The following CCDC148 variants were observed in gnomAD, a reference collection of about 807,000 sequenced individuals.
CCDC148 encodes the protein coiled-coil domain containing 148.
A neutral mutation model predicts 85.7 loss-of-function variants in CCDC148; 89 were observed. That is an observed-to-expected ratio of 1.04 (90% CI 0.87 to 1.24). The LOEUF is 1.24. CCDC148 is among the 50% of genes most tolerant of loss of function. The pLI, the probability that CCDC148 is intolerant of heterozygous loss-of-function variation, is 0.00. For missense variants in CCDC148, 692 were observed against 671.7 expected, an observed-to-expected ratio of 1.03 and a Z score of -0.33; for synonymous variants, 230 against 213.9, an observed-to-expected ratio of 1.08 and a Z score of -0.66.
At chr2:158,303,156 A>G (rs1179612116) in intron 9 of CCDC148, among the ~76,000 whole-genome samples, 1 of 152,206 alleles carries the variant, frequency 6.6e-6, no homozygotes, top group East Asian at 1.9e-4. Context: ...TTTAAATTCC[A>G]AGGCTGAGAA....
At chr2:158,435,017 T>G (rs533863293) in intron 1 of CCDC148, among the ~76,000 whole-genome samples, 1 of 152,278 alleles carries the variant, frequency 6.6e-6, no homozygotes, top group South Asian at 2.1e-4. Context: ...TACCTGAAAG[T>G]GACGGGGAGA....
At chr2:158,431,629 C>A (rs531578223) in intron 1 of CCDC148, among the ~76,000 whole-genome samples, 1 of 151,962 alleles carries the variant, frequency 6.6e-6, no homozygotes, top group African/African-American at 2.4e-5. Context: ...TAAAGAAAGA[C>A]CTGCACCCTA....
chr2:158,218,521 A>G (rs568424796), intron 11 of CCDC148, among the ~76,000 whole-genome samples: 1 of 152,344 alleles, frequency 6.6e-6, no homozygotes, highest in South Asian at 2.1e-4. Flanking sequence ...GAAGCAAAAG[A>G]CTGAAATGAC....
intron 9 of CCDC148, among the ~76,000 whole-genome samples, chr2:158,278,397 C>T (rs1278089493): frequency 6.6e-6 from 1 of 152,142 alleles, no homozygotes; most frequent in Non-Finnish European, 1.5e-5. Context: ...ACAGACGGCA[C>T]CTGGAAAATC....
chr2:158,307,872 G>C (rs2105206797), intron 9 of CCDC148, among the ~76,000 whole-genome samples: 1 of 152,184 alleles, frequency 6.6e-6, no homozygotes, highest in Admixed American at 6.5e-5. Context: ...TCACAGGTGG[G>C]GATTGTATTT....
At chr2:158,440,308 A>T (rs1687876433) in intron 1 of CCDC148, among the ~76,000 whole-genome samples, 1 of 152,236 alleles carries the variant, frequency 6.6e-6, no homozygotes, top group Admixed American at 6.5e-5. Flanking sequence ...AAATAGTTAA[A>T]CATAAACTTA....
intron 9 of CCDC148, among the ~76,000 whole-genome samples, chr2:158,305,230 C>T (rs1691629901): frequency 6.6e-6 from 1 of 152,178 alleles, no homozygotes. Flanking sequence ...CCATCTTCTC[C>T]TGGGGACGGT....
At chr2:158,373,456 C>A (rs1684533109) in intron 1 of CCDC148, among the ~76,000 whole-genome samples, 3 of 152,026 alleles carry the variant, frequency 2.0e-5, no homozygotes, top group African/African-American at 7.2e-5. Context: ...AGTACACACA[C>A]TATTACCTAT....
chr2:158,406,615 T>TTGTTTTTCTGTTTTTTTTTTTTG (rs1686017015), intron 1 of CCDC148, among the ~76,000 whole-genome samples: 1 of 67,962 alleles, frequency 1.5e-5, no homozygotes, highest in Non-Finnish European at 2.8e-5. Flanking sequence ...TTAAATTTCT[T>TTGTTTTTCTGTTTTTTTTTTTTG]TTTTTTTTTT....
chr2:158,332,440 T>C (rs561680078), intron 7 of CCDC148, among the ~76,000 whole-genome samples: 2 of 141,016 alleles, frequency 1.4e-5, no homozygotes, highest in South Asian at 4.3e-4. Flanking sequence ...GCCCTTAACA[T>C]TTTTTCCCTC....
At position 158,277,068 on chromosome 2, in the gene CCDC148, G is replaced by T. The variant is rs373157673; in HGVS notation, c.1111-26156C>A. On this transcript the variant is annotated intron_variant, in intron 9 of 13. Coordinates refer to ENST00000283233, the MANE Select transcript of CCDC148 (RefSeq NM_138803.4). ...AGCTCAACTCTCCTCTTTGACAGATGAAGAAATTCAGGTACCTTAAGTCCA... is the reference window on the plus strand; with the variant it reads ...AGCTCAACTCTCCTCTTTGACAGATTAAGAAATTCAGGTACCTTAAGTCCA... 2.6e-5 allele frequency among the ~76,000 whole-genome samples: 4 copies of T among 152,256 alleles called. No individual in the cohort carries two copies. The East Asian group carries it at 7.7e-4, about 29-fold the overall frequency.
intron 11 of CCDC148, among the ~76,000 whole-genome samples, chr2:158,198,807 T>A (rs1407995513): frequency 6.6e-6 from 1 of 152,208 alleles, no homozygotes; most frequent in African/African-American, 2.4e-5. Context: ...ACAAATTTTA[T>A]CTCTTTGTCA....
At chr2:158,279,155 T>C (rs889931336) in intron 9 of CCDC148, among the ~76,000 whole-genome samples, 2 of 151,884 alleles carry the variant, frequency 1.3e-5, no homozygotes, top group African/African-American at 4.8e-5. Context: ...ACACCAAAAG[T>C]AGATAAAACC....
Position 158,340,279 on chromosome 2 carries a change from G to A in CCDC148, c.449C>T (p.Pro150Leu). The A allele has an allele frequency of 1.2e-6, 2 of 1,613,810 alleles. No individual in the cohort carries two copies. Among genetic ancestry groups the A allele is most frequent in the Non-Finnish European group, 1.7e-6 (2 of 1,179,910 alleles). ...RQHHTLQHSH[P>L]HIEFNSMKVL... Reference sequence around the variant, plus strand: ...TTTCATGGAGTTAAACTCAATATGTGGGTGTGAATGCTGCAAAGTGTGATG... The same window carrying A: ...TTTCATGGAGTTAAACTCAATATGTAGGTGTGAATGCTGCAAAGTGTGATG... Residue 150 changes from proline (P) to leucine (L), a missense_variant, in exon 5 of 14, where the codon CCA becomes CTA. Physicochemically the swap from Pro to Leu is moderately conservative, Grantham distance 98. Transcript: ENST00000283233.
At chr2:158,257,084 A>G (rs2105147961) in intron 9 of CCDC148, among the ~76,000 whole-genome samples, 1 of 151,744 alleles carries the variant, frequency 6.6e-6, no homozygotes, top group Middle Eastern at 3.4e-3. Flanking sequence ...ATCTTTAAAA[A>G]AAAAAGTCTC....
chr2:158,435,263 A>G (rs1166942768), intron 1 of CCDC148, among the ~76,000 whole-genome samples: 1 of 152,252 alleles, frequency 6.6e-6, no homozygotes, highest in Non-Finnish European at 1.5e-5. Flanking sequence ...AGCCCATCAG[A>G]CTAATAGCAG....
intron 7 of CCDC148, among the ~76,000 whole-genome samples, chr2:158,333,997 T>A (rs1355906331): frequency 6.6e-6 from 1 of 152,170 alleles, no homozygotes; most frequent in East Asian, 1.9e-4. Context: ...GGGATTGCAT[T>A]GAATGCATAG....
intron 1 of CCDC148, among the ~76,000 whole-genome samples, chr2:158,453,914 C>T (rs910477518): frequency 1.3e-5 from 2 of 152,164 alleles, no homozygotes; most frequent in African/African-American, 4.8e-5. Context: ...CTCCCCACCC[C>T]TACTTTCCAG....
chr2:158,259,124 C>T (rs1249773552), intron 9 of CCDC148, among the ~76,000 whole-genome samples: 3 of 151,782 alleles, frequency 2.0e-5, no homozygotes, highest in Non-Finnish European at 2.9e-5. Context: ...CCTCCCTGCC[C>T]CACACTCCCC....
Sources: allele counts gnomAD v4.1 joint callset (sites outside exome capture counted in the v4.1 genomes callset), GRCh38; gene constraint gnomAD v4.1.1; transcripts MANE v1.5; gene names NCBI Gene and HGNC (gene_info 2026-07-23, HGNC 2026-07-21).